Variants in AUTS2 observed in about 807,000 individuals in gnomAD.
The protein encoded by AUTS2 is activator of transcription and developmental regulator AUTS2, also known as autism susceptibility gene 2 protein.
Under a neutral mutation model 112.4 loss-of-function variants are expected in AUTS2, and 17 were observed. The observed-to-expected ratio is 0.15, with a 90% CI of 0.10 to 0.23. The LOEUF (loss-of-function observed/expected upper bound fraction) is 0.23, where lower values mean the gene tolerates loss of function less well. Among genes scored for constraint, AUTS2 ranks in the 10% least tolerant of loss-of-function variants. The pLI is 1.00. For synonymous variants in AUTS2, 751 were observed against 702.7 expected (o/e 1.07, Z -1.09); for missense variants, 1,510 against 1,701.6 (o/e 0.89, Z 1.98).
At chr7:70,514,115 T>C (rs1203717819) in intron 5 of AUTS2, among the ~76,000 whole-genome samples, 1 of 152,254 alleles carries the variant, frequency 6.6e-6, no homozygotes, top group East Asian at 1.9e-4. Context: ...CTATATGAGA[T>C]AGAGCTCTAG....
At chr7:70,046,918 C>T (rs1801531807) in intron 2 of AUTS2, among the ~76,000 whole-genome samples, 1 of 152,084 alleles carries the variant, frequency 6.6e-6, no homozygotes, top group Non-Finnish European at 1.5e-5. Flanking sequence ...CATTTAAACC[C>T]AAGTTTAATA....
At chr7:70,779,853 T>TAG (rs1230629626) in intron 14 of AUTS2, among the ~76,000 whole-genome samples, 1 of 151,756 alleles carries the variant, frequency 6.6e-6, no homozygotes, top group Non-Finnish European at 1.5e-5. Flanking sequence ...CTGGGCAACA[T>TAG]AGAGAGAGAG....
chr7:70,782,560 CTTCTCTAAAGCTTT>C lies in AUTS2; in HGVS notation c.2146+807_2146+820del, dbSNP rs1381361070. On this transcript the variant is annotated intron_variant, in intron 15 of 18. Coordinates refer to ENST00000342771, the MANE Select transcript of AUTS2 (RefSeq NM_015570.4). ...TATTAAGGGTTTCTTGTCATTCTGTCTTCTCTAAAGCTTTTTTAAGTGTAATTTCTGGCACACAG... is the reference window on the plus strand; with the variant it reads ...TATTAAGGGTTTCTTGTCATTCTGTCTTTAAGTGTAATTTCTGGCACACAG... The C allele has an allele frequency of 3.3e-5, 5 of 152,296 alleles. No homozygotes were observed. In the East Asian group the frequency reaches 9.7e-4, roughly 29 times the overall value. The allele number at this position is 152,296 out of a possible 1,614,324, so 9.4% of individuals were successfully genotyped here. A position where few individuals can be genotyped will look rare whatever the true frequency, so the allele number is the denominator to read the frequency against.
intron 1 of AUTS2, among the ~76,000 whole-genome samples, chr7:69,874,860 G>A (rs1486185843): frequency 2.0e-5 from 3 of 151,742 alleles, no homozygotes; most frequent in Non-Finnish European, 4.4e-5. Context: ...TAGTACAGAC[G>A]GGGTTTCACC....
intron 4 of AUTS2, among the ~76,000 whole-genome samples, chr7:70,168,886 C>T (rs573626276): frequency 2.0e-5 from 3 of 152,028 alleles, no homozygotes; most frequent in Admixed American, 2.0e-4. Context: ...TATTTTTGCC[C>T]TAAATATTAG....
intron 1 of AUTS2, among the ~76,000 whole-genome samples, chr7:69,884,374 A>G (rs1249278126): frequency 6.6e-6 from 1 of 152,248 alleles, no homozygotes; most frequent in Non-Finnish European, 1.5e-5. Context: ...CCTATTGCCT[A>G]TTAGATAAAC....
intron 2 of AUTS2, among the ~76,000 whole-genome samples, chr7:69,921,306 G>A (rs1013232919): frequency 4.9e-5 from 7 of 143,218 alleles, no homozygotes; most frequent in African/African-American, 1.8e-4. Context: ...ATGTCTTCTG[G>A]TTTTAGTATT....
chr7:69,634,597 G>A (rs1220904413), intron 1 of AUTS2, among the ~76,000 whole-genome samples: 1 of 152,116 alleles, frequency 6.6e-6, no homozygotes, highest in African/African-American at 2.4e-5. Flanking sequence ...AGAGGGACCC[G>A]AACTGTGAAG....
At chr7:70,306,859 A>G (rs532825439) in intron 4 of AUTS2, among the ~76,000 whole-genome samples, 67 of 152,346 alleles carry the variant, frequency 4.4e-4, no homozygotes, top group African/African-American at 1.5e-3. Flanking sequence ...TAATTCCAAG[A>G]CTGCTGGTTC....
chr7:70,433,758 A>G (rs1795773643), intron 4 of AUTS2, among the ~76,000 whole-genome samples: 1 of 152,348 alleles, frequency 6.6e-6, no homozygotes, highest in South Asian at 2.1e-4. Flanking sequence ...CTAATCCTCC[A>G]GTCTATAAGA....
intron 1 of AUTS2, among the ~76,000 whole-genome samples, chr7:69,639,547 C>T (rs985209114): frequency 6.6e-6 from 1 of 152,242 alleles, no homozygotes; most frequent in African/African-American, 2.4e-5. Context: ...AACGCCTGCT[C>T]TGCTGTGTCT....
At chr7:69,984,671 A>G (rs189724803) in intron 2 of AUTS2, among the ~76,000 whole-genome samples, 116 of 152,268 alleles carry the variant, frequency 7.6e-4, no homozygotes, top group Middle Eastern at 3.4e-3. Flanking sequence ...TGAGGTGGAT[A>G]GTCTCTAGAA....
chr7:70,786,048 T>TCTAA lies in AUTS2; in HGVS notation c.2308+13_2308+16dup, dbSNP rs1478727504. 7 of 1,610,066 alleles carry TCTAA rather than the reference T, an allele frequency of 4.3e-6. No homozygotes were observed. In the South Asian group the frequency reaches 7.7e-5, roughly 18 times the overall value. On this transcript the variant is annotated intron_variant, in intron 17 of 18. Transcript: ENST00000342771. ...GGAAATCCTTCCGTTAGTGAGTACC[T>TCTAA]CTAACTTTTAAAAATCTGCCTTGGA...
At chr7:70,756,006 C>T (rs755286089) in intron 6 of AUTS2, among the ~76,000 whole-genome samples, 2 of 151,900 alleles carry the variant, frequency 1.3e-5, no homozygotes, top group African/African-American at 2.4e-5. Flanking sequence ...ACTTTTCCTC[C>T]TCCTCCTCCT....
intron 5 of AUTS2, chr7:70,437,668 G>A (rs35692677): frequency 0.14 from 21,122 of 151,854 alleles, 1,869 homozygotes; most frequent in Non-Finnish European, 0.18. Context: ...GTGAAACCCC[G>A]TCTCAACTAA....
chr7:70,786,319 C>A (rs1047185964), intron 17 of AUTS2, among the ~76,000 whole-genome samples: 1 of 152,216 alleles, frequency 6.6e-6, no homozygotes, highest in Non-Finnish European at 1.5e-5. Flanking sequence ...TCATCCACAT[C>A]CCATCTCTGC....
intron 6 of AUTS2, among the ~76,000 whole-genome samples, chr7:70,731,451 A>G (rs990460312): frequency 1.5e-5 from 1 of 65,100 alleles, no homozygotes; most frequent in Non-Finnish European, 2.8e-5. Flanking sequence ...TTTTTTTGAG[A>G]CAGAGTCTCG....
chr7:69,968,159 G>A (rs1584505491), intron 2 of AUTS2, among the ~76,000 whole-genome samples: 1 of 152,146 alleles, frequency 6.6e-6, no homozygotes, highest in South Asian at 2.1e-4. Context: ...TATATTTTTG[G>A]TTCTGAAACA....
intron 5 of AUTS2, among the ~76,000 whole-genome samples, chr7:70,604,607 T>A (rs1803636353): frequency 2.0e-5 from 3 of 152,244 alleles, no homozygotes; most frequent in Admixed American, 2.0e-4. Context: ...CAGTATAGAA[T>A]TAGAGAACGT....
Sources: allele counts gnomAD v4.1 joint callset (sites outside exome capture counted in the v4.1 genomes callset), GRCh38; gene constraint gnomAD v4.1.1; transcripts MANE v1.5; gene names NCBI Gene and HGNC (gene_info 2026-07-23, HGNC 2026-07-21).